The following DACT2 variants were observed in gnomAD, a reference collection of about 807,000 sequenced individuals.
DACT2 encodes dapper homolog 2.
In DACT2, 20 loss-of-function variants were observed where a neutral mutation model predicts 22.2. That is an observed-to-expected ratio of 0.90 (90% confidence interval 0.63 to 1.31). DACT2 has a LOEUF of 1.31. Ranked by LOEUF, DACT2 falls within the 50% of genes most tolerant of loss-of-function variation. The pLI, the probability that DACT2 is intolerant of heterozygous loss-of-function variation, is 0.00. For missense variants in DACT2, 1,048 were observed against 1,061.4 expected (o/e 0.99, Z 0.18); for synonymous variants, 463 against 479.8 (o/e 0.96, Z 0.46).
At chr6:168,293,803 T>G in exon 6 of DACT2, 3 of 698,962 alleles carry the variant, frequency 4.3e-6, no homozygotes, top group Non-Finnish European at 7.8e-6. Flanking sequence ...GCCGATGATA[T>G]CGGGAGAAGA....
At chr6:168,312,955 C>T (rs895623205) in intron 1 of DACT2, among the ~76,000 whole-genome samples, 3 of 152,234 alleles carry the variant, frequency 2.0e-5, no homozygotes, top group Non-Finnish European at 4.4e-5. Flanking sequence ...ACCCAGCACA[C>T]AGCTTCTGTG....
rs370353122 is a variant in DACT2 at position 168,308,592 on chromosome 6, C to A, written c.1165G>T (p.Glu389Ter). Residue 389 changes from glutamate (E) to a stop codon, truncating the protein, a stop_gained, in exon 4 of 4, where the codon GAG becomes TAG. Coordinates refer to ENST00000366795, the MANE Select transcript of DACT2 (RefSeq NM_214462.5). LOFTEE classifies it low-confidence loss of function (END_TRUNC). ...LLVFAPGRED[E>*]GGPAQSRGAG... ...CCCCTGCTCTGAGCTGGCCCTCCCT[C>A]GTCCTCCCTCCCTGGGGCGAAGACC... The A allele has an allele frequency of 1.3e-6, 2 of 1,546,954 alleles. No homozygotes were observed. The highest frequency in any genetic ancestry group is 2.0e-5 in the Admixed American group (1 of 51,008).
At chr6:168,302,991 A>C (rs1472310306), downstream of DACT2, among the ~76,000 whole-genome samples, 1 of 152,254 alleles carries the variant, frequency 6.6e-6, no homozygotes, top group Non-Finnish European at 1.5e-5. Flanking sequence ...ATCTTTAAAA[A>C]TAAATATACT....
Position 168,310,381 on chromosome 6 carries a change from C to T in DACT2, c.445G>A (p.Asp149Asn), listed in dbSNP as rs1208553040. Reference protein sequence around the residue: ...LSTSCASVCSDHISPSLGSLL... With the variant: ...LSTSCASVCSNHISPSLGSLL... ...CTGCCCAGCGAGGGAGAGATGTGGT[C>T]ACTGCAGACGGAGGCACAGGACGTG... Residue 149 changes from aspartate to asparagine, a missense_variant, in exon 3 of 4, where the codon GAC becomes AAC. Physicochemically the swap from Asp to Asn is conservative, Grantham distance 23 (BLOSUM62 1). Transcript: ENST00000366795. The T allele has an allele frequency of 9.0e-6, 14 of 1,551,522 alleles. No individual in the cohort carries two copies. The Admixed American group carries it at 1.8e-4, about 20-fold the overall frequency.
chr6:168,311,183 C>A lies in DACT2; in HGVS notation c.348G>T (p.Glu116Asp). 6.5e-7 allele frequency: 1 copy of A among 1,545,558 alleles called. No individual in the cohort carries two copies. Reference sequence around the variant, plus strand: ...TGGGCCTGCTGTCGCTGTCCAGGGCCTCCCCTGAGGCTGTGCCCACATCCA... The same window carrying A: ...TGGGCCTGCTGTCGCTGTCCAGGGCATCCCCTGAGGCTGTGCCCACATCCA... ...LQLDVGTASG[E>D]ALDSDSRPSS... The change falls in exon 2 of 4, where the codon GAG becomes GAT. Residue 116 changes from glutamate to aspartate, a missense_variant. By Grantham distance (45) the Glu-to-Asp change is conservative. Transcript: ENST00000366795.
exon 6 of DACT2, chr6:168,293,750 G>A (rs1429270488): frequency 3.0e-6 from 2 of 661,922 alleles, no homozygotes; most frequent in Non-Finnish European, 5.5e-6. Flanking sequence ...GCTCCCACTG[G>A]CTCACTGTGG....
Position 168,310,271 on chromosome 6 carries a change from T to C in DACT2, c.555A>G (p.Pro185=). 2 of 1,551,464 alleles carry C rather than the reference T, an allele frequency of 1.3e-6. No homozygotes were observed. The highest frequency in any genetic ancestry group is 2.4e-5 in the South Asian group (2 of 84,038). ...CCTCGGTAGCCTGGGGTCTCCACGC[T>C]GGCACAGTAGTCTCATCAACCGACC... ...RPRSVDETTV[P]AWRPQATEEG... is the part of the protein sequence containing the mutation. Residue 185 remains proline (P), a synonymous_variant, in exon 3 of 4, where the codon CCA becomes CCG. Transcript: ENST00000366795.
Position 168,307,540 on chromosome 6 carries a change from T to G in DACT2, c.2217A>C (p.Pro739=). Residue 739 remains proline (P), a synonymous_variant, in exon 4 of 4, where the codon CCA becomes CCC. Transcript: ENST00000366795. This position sits in a 1 kb window ranked among gnomAD's most constrained non-coding sequence, Gnocchi z 5.3. The part of the protein sequence containing the change: ...WTQEAPVSSG[P]LLSPVPKLCR... ...ACAGCTTGGGCACGGGGGACAGGAG[T>G]GGCCCCGAGCTGACCGGGGCCTCCT... The G allele has an allele frequency of 1.3e-6, 2 of 1,551,144 alleles. No homozygotes were observed. The highest frequency in any genetic ancestry group is 2.0e-5 in the Admixed American group (1 of 50,980).
Position 168,308,195 on chromosome 6 carries a change from G to A in DACT2, c.1562C>T (p.Pro521Leu). The change falls in exon 4 of 4, where the codon CCT becomes CTT. Residue 521 changes from proline (P) to leucine (L), a missense_variant. Pro to Leu is a moderately conservative substitution (Grantham distance 98, BLOSUM62 -3). Coordinates refer to ENST00000366795, the MANE Select transcript of DACT2 (RefSeq NM_214462.5). ...ARQPLLLLDRPEGAHAAPQPS... is the reference protein window; with the variant it reads ...ARQPLLLLDRLEGAHAAPQPS... Reference sequence around the variant, plus strand: ...CTGGGGGGCTGCATGGGCTCCCTCAGGCCTGTCCAGTAGAAGCAGCGGCTG... The same window carrying A: ...CTGGGGGGCTGCATGGGCTCCCTCAAGCCTGTCCAGTAGAAGCAGCGGCTG... 6.4e-7 allele frequency: 1 copy of A among 1,551,660 alleles called. No individual in the cohort carries two copies.
rs746643321 is a variant in DACT2 at position 168,307,780 on chromosome 6, G to C, written c.1977C>G (p.Ser659Arg). 5.8e-6 allele frequency: 9 copies of C among 1,544,944 alleles called. No individual in the cohort carries two copies. The African/African-American group carries it at 1.1e-4, about 19-fold the overall frequency. ...CCGAGTGCTTGGAGGGCTCTGAGTC[G>C]CTCCTGGTGTAGGCGTCCTGGCGGA... ...SLVRQDAYTR[S>R]DSEPSKHSAE... Residue 659 changes from serine (S) to arginine (R), a missense_variant, in exon 4 of 4, where the codon AGC becomes AGG. By Grantham distance (110) the Ser-to-Arg change is moderately radical. Coordinates refer to ENST00000366795, the MANE Select transcript of DACT2 (RefSeq NM_214462.5). The surrounding 1 kb of genome is among the most constrained non-coding windows in gnomAD (Gnocchi z 5.3).
At chr6:168,311,559 CTCACACACAA>C (rs1779406360) in intron 1 of DACT2, among the ~76,000 whole-genome samples, 1 of 83,010 alleles carries the variant, frequency 1.2e-5, no homozygotes, top group Non-Finnish European at 2.6e-5. Context: ...CATACACACA[CTCACACACAA>C]ACACACACAC....
At chr6:168,295,560 G>A (rs1431480206) in intron 3 of DACT2, among the ~76,000 whole-genome samples, 2 of 152,132 alleles carry the variant, frequency 1.3e-5, no homozygotes, top group Non-Finnish European at 2.9e-5. Flanking sequence ...AAGAAAATAT[G>A]GGCATAATTT....
chr6:168,311,548 A>ACATACACACACACC (rs1554271697), intron 1 of DACT2, among the ~76,000 whole-genome samples: 4 of 79,542 alleles, frequency 5.0e-5, no homozygotes, highest in East Asian at 4.8e-4. Context: ...ATCCACACAC[A>ACATACACACACACC]CATACACACA....
chr6:168,299,611 A>C (rs751024518), intron 3 of DACT2: 1 of 152,198 alleles, frequency 6.6e-6, no homozygotes, highest in Non-Finnish European at 1.5e-5. Flanking sequence ...TCCCAGCCAC[A>C]GCTGGACAAA....
chr6:168,305,279 G>A (rs879002720), downstream of DACT2, among the ~76,000 whole-genome samples: 9 of 152,140 alleles, frequency 5.9e-5, no homozygotes, highest in East Asian at 1.9e-4. Context: ...GAAGGAATTC[G>A]CTTGGCTGGA....
At chr6:168,294,577 G>GTGTGTGTATATATATATATATA (rs1177617130) in intron 4 of DACT2, 29 of 124,458 alleles carry the variant, frequency 2.3e-4, no homozygotes, top group South Asian at 6.9e-4. Flanking sequence ...GTGTGTGTGT[G>GTGTGTGTATATATATATATATA]TATATATATA....
intron 2 of DACT2, 127 bp from the exon 3 acceptor site, chr6:168,310,573 G>A (rs1779372024): frequency 7.8e-7 from 1 of 1,274,538 alleles, no homozygotes; most frequent in Non-Finnish European, 1.1e-6. Flanking sequence ...ACCGGAGGCT[G>A]TGTGCCATCG....
Position 168,307,549 on chromosome 6 carries a change from G to A in DACT2, c.2208C>T (p.Ser736=), listed in dbSNP as rs1035206749. 9 of 1,551,330 alleles carry A rather than the reference G, an allele frequency of 5.8e-6. No homozygotes were observed. Among genetic ancestry groups the A allele is most frequent in the Non-Finnish European group, 7.8e-6 (9 of 1,146,918 alleles). Residue 736 remains serine, a synonymous_variant, in exon 4 of 4, where the codon AGC becomes AGT. Transcript: ENST00000366795. This position sits in a 1 kb window ranked among gnomAD's most constrained non-coding sequence, Gnocchi z 5.3. ...GCACGGGGGACAGGAGTGGCCCCGA[G>A]CTGACCGGGGCCTCCTGGGTCCAGG... ...ELAWTQEAPV[S]SGPLLSPVPK...
In DACT2 at chr6:168,319,416, G is replaced by A. The variant is rs1779590915; in HGVS notation, c.218C>T (p.Ala73Val). The A allele has an allele frequency of 8.3e-6, 10 of 1,203,828 alleles. No individual in the cohort carries two copies. The East Asian group carries it at 3.4e-4, about 41-fold the overall frequency. The allele number at this position is 1,203,828 out of a possible 1,614,324, so 74.6% of individuals were successfully genotyped here. A position where few individuals can be genotyped will look rare whatever the true frequency, so the allele number is the denominator to read the frequency against. ...GLHGPEQQLEAALAALQEQLS... is the reference protein window; with the variant it reads ...GLHGPEQQLEVALAALQEQLS... ...CTGCTCCTGCAGCGCGGCCAGCGCC[G>A]CCTCCAGCTGCTGCTCGGGGCCGTG... Residue 73 changes from alanine (A) to valine (V), a missense_variant, in exon 1 of 4, where the codon GCG (alanine) becomes GTG (valine). Physicochemically the swap from Ala to Val is moderately conservative, Grantham distance 64. Coordinates refer to ENST00000366795, the MANE Select transcript of DACT2 (RefSeq NM_214462.5).
Sources: allele counts gnomAD v4.1 joint callset (sites outside exome capture counted in the v4.1 genomes callset), GRCh38; gene constraint gnomAD v4.1.1; non-coding constraint Gnocchi (gnomAD v3.1); transcripts MANE v1.5; gene names NCBI Gene and HGNC (gene_info 2026-07-23, HGNC 2026-07-21).